The following MTMR3 variants were observed in gnomAD, a reference collection of about 807,000 sequenced individuals.
The protein encoded by MTMR3 is phosphatidylinositol-3,5-bisphosphate 3-phosphatase MTMR3.
MTMR3 carries 32 observed loss-of-function variants against 132.4 expected under a neutral mutation model. That is an observed-to-expected ratio of 0.24 (90% CI 0.18 to 0.32). The LOEUF is 0.32. MTMR3 is among the 10% of genes least tolerant of loss of function. The pLI, the probability that MTMR3 is intolerant of heterozygous loss-of-function variation, is 1.00. For synonymous variants in MTMR3, 556 were observed against 550.3 expected, an observed-to-expected ratio of 1.01 and a Z score of -0.14; for missense variants, 1,216 against 1,489.6, an observed-to-expected ratio of 0.82 and a Z score of 3.02.
chr22:29,995,378 C>A (rs1180213578), intron 7 of MTMR3: 1 of 152,194 alleles, frequency 6.6e-6, no homozygotes, highest in Non-Finnish European at 1.5e-5. Context: ...AAAGGCCTGT[C>A]CCTTCTGTCC....
At chr22:29,985,189 C>G (rs372908413) in intron 5 of MTMR3, 3 of 152,164 alleles carry the variant, frequency 2.0e-5, no homozygotes, top group African/African-American at 7.2e-5. Flanking sequence ...AAAAGAAGGT[C>G]AATTCTGCCT....
At chr22:30,023,579 G>GTT in intron 19 of MTMR3, 1 of 1,473,254 alleles carries the variant, frequency 6.8e-7, no homozygotes, top group Non-Finnish European at 9.5e-7. Flanking sequence ...CACTTACTAG[G>GTT]GTGAAGCCTG....
intron 14 of MTMR3, chr22:30,014,623 C>T (rs2067526696): frequency 6.6e-6 from 1 of 151,596 alleles, no homozygotes; most frequent in Admixed American, 6.6e-5. Flanking sequence ...ATTCTCCCAC[C>T]TCAGCCTCCC....
At position 30,007,977 on chromosome 22, in the gene MTMR3, C is replaced by T. The variant is rs1178516239; in HGVS notation, c.954C>T (p.Arg318=). The change falls in exon 11 of 20, where the codon CGC becomes CGT. Residue 318 remains arginine, a synonymous_variant. Coordinates refer to ENST00000401950, the MANE Select transcript of MTMR3 (RefSeq NM_021090.4). ...AGAAGCTTTTGATCTTGGATGCACG[C>T]TCCTATGCAGCTGCTGTGGCAAACC... is the stretch of plus-strand genomic sequence containing the variant. ...QPQKLLILDA[R]SYAAAVANRA... 5.6e-6 allele frequency: 9 copies of T among 1,613,492 alleles called. No homozygotes were observed. Among genetic ancestry groups the T allele is most frequent in the South Asian group, 1.1e-5 (1 of 91,044 alleles).
intron 5 of MTMR3, chr22:29,984,268 G>A (rs990807339): frequency 6.6e-6 from 1 of 152,134 alleles, no homozygotes; most frequent in African/African-American, 2.4e-5. Flanking sequence ...TATAAAAAGG[G>A]TGTTTGTTTT....
chr22:29,889,005 A>G (rs979750814), intron 1 of MTMR3, among the ~76,000 whole-genome samples: 1 of 152,086 alleles, frequency 6.6e-6, no homozygotes, highest in African/African-American at 2.4e-5. Context: ...TAAGGAAATT[A>G]TAAGTATATT....
chr22:29,967,254 T>C (rs537788974), intron 2 of MTMR3, among the ~76,000 whole-genome samples: 2 of 147,084 alleles, frequency 1.4e-5, no homozygotes, highest in Admixed American at 6.7e-5. Context: ...CGCGCGCATG[T>C]TTTTTAGAGA....
At position 30,009,031 on chromosome 22, in the gene MTMR3, C is replaced by T; in HGVS notation, c.1023C>T (p.Asn341=). The change falls in exon 12 of 20, where the codon AAC becomes AAT. Residue 341 remains asparagine (N), a synonymous_variant. Transcript: ENST00000401950. The part of the protein sequence containing the change: ...GGCECPEYYP[N]CEVVFMGMAN... ...TACTCTCTCCAGAGTATTACCCAAACTGTGAAGTTGTGTTTATGGGGATGG... is the reference window on the plus strand; with the variant it reads ...TACTCTCTCCAGAGTATTACCCAAATTGTGAAGTTGTGTTTATGGGGATGG... 1 of 1,609,314 alleles carries T rather than the reference C, an allele frequency of 6.2e-7. No homozygotes were observed. The highest frequency in any genetic ancestry group is 8.5e-7 in the Non-Finnish European group (1 of 1,175,666).
rs2067923806 is a variant in MTMR3 at position 30,027,018 on chromosome 22, T to C, written c.*1217T>C. Reference sequence around the variant, plus strand: ...GGTTCCTTAGAGAAGTGACATGGCCTTGAGGAGATTCAGGGCACCTTTCCT... The same window carrying C: ...GGTTCCTTAGAGAAGTGACATGGCCCTGAGGAGATTCAGGGCACCTTTCCT... On this transcript the variant is annotated 3_prime_UTR_variant, in exon 20 of 20. Transcript: ENST00000401950. 1 of 152,806 alleles carries C rather than the reference T, an allele frequency of 6.5e-6. No homozygotes were observed. Among genetic ancestry groups the C allele is most frequent in the African/African-American group, 2.4e-5 (1 of 41,446 alleles). 9.5% of individuals were successfully genotyped at this position (152,806 alleles called of 1,614,324 possible).
intron 1 of MTMR3, among the ~76,000 whole-genome samples, chr22:29,942,945 G>C (rs749208253): frequency 2.0e-5 from 3 of 152,152 alleles, no homozygotes; most frequent in Non-Finnish European, 4.4e-5. Flanking sequence ...AGGATTAAAA[G>C]ATTAAAGTAA....
chr22:30,001,745 A>G (rs973676626), intron 8 of MTMR3: 9 of 152,216 alleles, frequency 5.9e-5, no homozygotes, highest in African/African-American at 2.2e-4. Flanking sequence ...ATTAACCATC[A>G]TTACTGGCTC....
At chr22:29,897,439 G>GT (rs906957069) in intron 1 of MTMR3, among the ~76,000 whole-genome samples, 1 of 151,274 alleles carries the variant, frequency 6.6e-6, no homozygotes, top group African/African-American at 2.4e-5. Flanking sequence ...ATTTAAGTAT[G>GT]TTTTTATTTA....
At position 29,954,059 on chromosome 22, in the gene MTMR3, C is replaced by CTTTTTTT. The variant is rs59781649; in HGVS notation, c.-137-2959_-137-2953dup. Among the ~76,000 whole-genome samples the CTTTTTTT allele has an allele frequency of 1.4e-4, 11 of 79,434 alleles. 1 individual carries two copies. The highest frequency in any genetic ancestry group is 1.9e-4 in the Admixed American group (1 of 5,264). 52.1% of individuals were successfully genotyped at this position (79,434 alleles called of 152,430 possible). On this transcript the variant is annotated intron_variant, in intron 1 of 19. Transcript: ENST00000401950. ...CCCTTTTTTTTTCTTTCAAATGAGT[C>CTTTTTTT]TTTTTTTTTTTTTTTTTTTTTTTTG... is the stretch of plus-strand genomic sequence containing the variant.
At chr22:29,968,222 CCTTCACATTCCAT>C (rs2066467725) in intron 2 of MTMR3, among the ~76,000 whole-genome samples, 1 of 152,160 alleles carries the variant, frequency 6.6e-6, no homozygotes, top group Non-Finnish European at 1.5e-5. Context: ...GGGGGTTTCA[CCTTCACATTCCAT>C]CTACATCTGA....
At chr22:29,891,323 G>A (rs1387734927) in intron 1 of MTMR3, among the ~76,000 whole-genome samples, 1 of 150,314 alleles carries the variant, frequency 6.7e-6, no homozygotes, top group Non-Finnish European at 1.5e-5. Context: ...GTGTATGTAT[G>A]TATGTGTGTG....
chr22:30,014,502 C>CTTTTTTTTTT (rs56934428), intron 14 of MTMR3: 1 of 78,796 alleles, frequency 1.3e-5, no homozygotes. Context: ...CCCTCCAGTT[C>CTTTTTTTTTT]TTTTTTTTTT....
chr22:29,908,836 C>A (rs1753884690), intron 1 of MTMR3, among the ~76,000 whole-genome samples: 1 of 152,118 alleles, frequency 6.6e-6, no homozygotes, highest in Admixed American at 6.5e-5. Flanking sequence ...TTGCTGTATT[C>A]TTTAAAGCAT....
intron 5 of MTMR3, chr22:29,985,542 G>A (rs1011286712): frequency 2.0e-5 from 3 of 152,204 alleles, no homozygotes; most frequent in African/African-American, 4.8e-5. Flanking sequence ...TGTGCAGGAA[G>A]TGCTGAAGGG....
chr22:29,960,839 A>C (rs1364049647), intron 2 of MTMR3, among the ~76,000 whole-genome samples: 1 of 152,188 alleles, frequency 6.6e-6, no homozygotes, highest in Non-Finnish European at 1.5e-5. Context: ...TCTGAGTTTA[A>C]ATGAAAACCT....
Sources: allele counts gnomAD v4.1 joint callset (sites outside exome capture counted in the v4.1 genomes callset), GRCh38; gene constraint gnomAD v4.1.1; transcripts MANE v1.5; gene names NCBI Gene and HGNC (gene_info 2026-07-23, HGNC 2026-07-21).